CACNG5: variants seen among roughly 807,000 people sequenced by gnomAD.
CACNG5 encodes the protein voltage-dependent calcium channel gamma-5 subunit.
A neutral mutation model predicts 24.8 loss-of-function variants in CACNG5; 18 were observed. That is an observed-to-expected ratio of 0.73 (90% CI 0.50 to 1.08). CACNG5 has a LOEUF of 1.08. Among genes scored for constraint, CACNG5 ranks in the 50% least tolerant of loss-of-function variants. The pLI, the probability that CACNG5 is intolerant of heterozygous loss-of-function variation, is 0.00. For synonymous variants in CACNG5, 157 were observed against 149.1 expected, an observed-to-expected ratio of 1.05 and a Z score of -0.39; for missense variants, 349 against 367.9, an observed-to-expected ratio of 0.95 and a Z score of 0.42.
intron 1 of CACNG5, among the ~76,000 whole-genome samples, chr17:66,861,023 A>ATG (rs1976848286): frequency 7.7e-6 from 1 of 129,558 alleles, no homozygotes; most frequent in African/African-American, 2.7e-5. Context: ...GTGCACATGC[A>ATG]CGCACACACA....
At position 66,887,823 on chromosome 17, in the gene CACNG5, G is replaced by A. The variant is rs1977283786; in HGVS notation, c.*2583G>A. ...TGGTTTACACGCATCTTAGGAACAG[G>A]TTCTCGGTCATTACCTGTTTGGGGG... On this transcript the variant is annotated 3_prime_UTR_variant, in exon 6 of 6. Transcript: ENST00000533854. 6.6e-6 allele frequency among the ~76,000 whole-genome samples: 1 copy of A among 152,104 alleles called. No homozygotes were observed. The highest frequency in any genetic ancestry group is 6.6e-5 in the Admixed American group (1 of 15,266).
intron 1 of CACNG5, among the ~76,000 whole-genome samples, chr17:66,858,193 C>A (rs1372291570): frequency 2.0e-5 from 3 of 152,144 alleles, no homozygotes; most frequent in Non-Finnish European, 2.9e-5. Flanking sequence ...CATCTAGAGG[C>A]TGGTTTTAGA....
At position 66,846,785 on chromosome 17, in the gene CACNG5, G is replaced by A. The variant is rs553732789; in HGVS notation, c.-104+11535G>A. ...TTCAATTCTCTTGGGTATATCCCTA[G>A]GAGTGGGGTTACTGGATCATCCGGT... On this transcript the variant is annotated intron_variant, in intron 1 of 5. Transcript: ENST00000533854. Among the ~76,000 whole-genome samples the A allele has an allele frequency of 6.6e-5, 10 of 152,306 alleles. No homozygotes were observed. The South Asian group carries it at 2.1e-3, about 32-fold the overall frequency.
rs563682111 is a variant in CACNG5 at position 66,887,244 on chromosome 17, T to G, written c.*2004T>G. Among the ~76,000 whole-genome samples the G allele has an allele frequency of 1.2e-4, 18 of 152,220 alleles. No individual in the cohort carries two copies. In the South Asian group the frequency reaches 3.5e-3, roughly 30 times the overall value. On this transcript the variant is annotated 3_prime_UTR_variant, in exon 6 of 6. Transcript: ENST00000533854. ...CAGCCACTCATTCACCACGAATCCT[T>G]GGGCAACACCCTTCCACTCTGAGGG... is the stretch of plus-strand genomic sequence containing the variant.
chr17:66,841,228 C>T (rs1020455470), intron 1 of CACNG5, among the ~76,000 whole-genome samples: 1 of 152,130 alleles, frequency 6.6e-6, no homozygotes, highest in African/African-American at 2.4e-5. Context: ...TTCCAGGTCA[C>T]AGGTAGGTGA....
chr17:66,885,618 T>A lies in CACNG5; in HGVS notation c.*378T>A, dbSNP rs1249019161. On this transcript the variant is annotated 3_prime_UTR_variant, in exon 6 of 6. Transcript: ENST00000533854. ...CCCTGGGCCAGGGCCAGCTCTGAGATGCCAAGCTCCTTACACAGATGCAGC... is the reference window on the plus strand; with the variant it reads ...CCCTGGGCCAGGGCCAGCTCTGAGAAGCCAAGCTCCTTACACAGATGCAGC... 7 of 216,334 alleles carry A rather than the reference T, an allele frequency of 3.2e-5. No individual in the cohort carries two copies. In the East Asian group the frequency reaches 7.7e-4, roughly 24 times the overall value. The allele number at this position is 216,334 out of a possible 1,614,324, so 13.4% of individuals were successfully genotyped here. A position where few individuals can be genotyped will look rare whatever the true frequency, so the allele number is the denominator to read the frequency against.
Position 66,893,150 on chromosome 17 carries a change from C to G in CACNG5, c.*7910C>G, listed in dbSNP as rs1977367747. Among the ~76,000 whole-genome samples, 1 of 152,170 alleles carries G rather than the reference C, an allele frequency of 6.6e-6. No individual in the cohort carries two copies. Among genetic ancestry groups the G allele is most frequent in the Admixed American group, 6.5e-5 (1 of 15,280 alleles). On this transcript the variant is annotated 3_prime_UTR_variant, in exon 6 of 6. Transcript: ENST00000533854. ...GACCGCACAGCTGGTAATATTTGCA[C>G]TGCTCTGCTCTGCAAGTCCTGTTTC...
rs112000025 is a variant in CACNG5 at position 66,848,628 on chromosome 17, G to A, written c.-104+13378G>A. 7.9e-4 allele frequency among the ~76,000 whole-genome samples: 121 copies of A among 152,322 alleles called. 1 individual carries two copies. The highest frequency in any genetic ancestry group is 2.7e-3 in the African/African-American group (113 of 41,570). On this transcript the variant is annotated intron_variant, in intron 1 of 5. Transcript: ENST00000533854. ...CTCAGTTTTGAAGGCGTTTGAGTCC[G>A]AGTTGGGTAGGAGAATTTTACCTTG...
chr17:66,874,037 G>T (rs1977045022), intron 1 of CACNG5, among the ~76,000 whole-genome samples: 1 of 151,862 alleles, frequency 6.6e-6, no homozygotes, highest in African/African-American at 2.4e-5. Flanking sequence ...CATGGGGTGG[G>T]AGTTTGAGAA....
intron 3 of CACNG5, among the ~76,000 whole-genome samples, chr17:66,879,836 C>A (rs374548302): frequency 1.3e-5 from 2 of 152,216 alleles, no homozygotes; most frequent in African/African-American, 4.8e-5. Flanking sequence ...CATTATTGAT[C>A]ATGTGATTGA....
rs1056279624 is a variant in CACNG5, at chr17:66,887,040, C to T, written c.*1800C>T. 2.0e-5 allele frequency among the ~76,000 whole-genome samples: 3 copies of T among 152,308 alleles called. No individual in the cohort carries two copies. Among genetic ancestry groups the T allele is most frequent in the South Asian group, 4.1e-4 (2 of 4,832 alleles). On this transcript the variant is annotated 3_prime_UTR_variant, in exon 6 of 6. Transcript: ENST00000533854. ...TGGTGGTTAATTTTCATGAAATAAC[C>T]TCTTTAAAGGCTCTATCTCCAAATA...
intron 1 of CACNG5, among the ~76,000 whole-genome samples, chr17:66,845,173 T>C (rs1976619827): frequency 6.6e-6 from 1 of 152,152 alleles, no homozygotes. Flanking sequence ...AACATCATTC[T>C]CAGCAAACTA....
chr17:66,850,753 C>T (rs1205608162), intron 1 of CACNG5, among the ~76,000 whole-genome samples: 1 of 152,074 alleles, frequency 6.6e-6, no homozygotes, highest in Non-Finnish European at 1.5e-5. Flanking sequence ...TCCAATACCA[C>T]CCCTAGGAAA....
rs754524664 is a variant in CACNG5, at chr17:66,885,085, T to G, written c.673T>G (p.Ser225Ala). The G allele has an allele frequency of 1.9e-6, 3 of 1,614,158 alleles. No individual in the cohort carries two copies. The South Asian group carries it at 3.3e-5, about 18-fold the overall frequency. Residue 225 changes from serine to alanine, a missense_variant, in exon 6 of 6, where the codon TCC becomes GCC. Transcript: ENST00000533854. The stretch of plus-strand genomic sequence containing the variant: ...CTACCGCCCTCGGCTGAGCAACTGC[T>G]CCGATTACTCAGGCCAGTTCCTACA... ...GFYRPRLSNC[S>A]DYSGQFLHPD...
intron 1 of CACNG5, among the ~76,000 whole-genome samples, chr17:66,868,641 T>C (rs1230383540): frequency 6.6e-6 from 1 of 152,162 alleles, no homozygotes; most frequent in Non-Finnish European, 1.5e-5. Flanking sequence ...AGCAGGACTG[T>C]AATGACACCT....
At chr17:66,861,485 A>T (rs1976857910) in intron 1 of CACNG5, among the ~76,000 whole-genome samples, 1 of 152,188 alleles carries the variant, frequency 6.6e-6, no homozygotes, top group African/African-American at 2.4e-5. Flanking sequence ...TTGCTAGAAC[A>T]GTGTCTGGCA....
chr17:66,879,718 G>A lies in CACNG5; in HGVS notation c.283+660G>A, dbSNP rs73994663. ...CAGACTCTTCTCTCCATGGAATCAG[G>A]TTGTGTCACCATCTTCACACACTGA... On this transcript the variant is annotated intron_variant, in intron 3 of 5. Coordinates refer to ENST00000533854, the MANE Select transcript of CACNG5 (RefSeq NM_145811.3). Among the ~76,000 whole-genome samples, 1,003 of 152,266 alleles carry A rather than the reference G, an allele frequency of 6.6e-3. 9 individuals are homozygous for A. Among genetic ancestry groups the A allele is most frequent in the African/African-American group, 0.023 (955 of 41,550 alleles).
chr17:66,882,812 T>C (rs1390599241), intron 4 of CACNG5, among the ~76,000 whole-genome samples: 1 of 152,054 alleles, frequency 6.6e-6, no homozygotes, highest in Non-Finnish European at 1.5e-5. Context: ...TACCAAGCAT[T>C]CTGATTACCA....
chr17:66,868,205 G>A (rs867195313), intron 1 of CACNG5, among the ~76,000 whole-genome samples: 3 of 152,092 alleles, frequency 2.0e-5, no homozygotes, highest in Admixed American at 2.0e-4. Flanking sequence ...TGGTCCCTAC[G>A]GAAAATGGAC....
Sources: gnomAD v4.1 joint callset for allele counts (sites outside exome capture counted in the v4.1 genomes callset) on GRCh38, gnomAD v4.1.1 for gene constraint, MANE v1.5 for transcripts, NCBI Gene and HGNC (gene_info 2026-07-23, HGNC 2026-07-21) for gene names.